Variants in PRKG1 observed in about 807,000 individuals in gnomAD.
The protein encoded by PRKG1 is cGMP-dependent protein kinase 1.
In PRKG1, 35 loss-of-function variants were observed where a neutral mutation model predicts 88.1. That is an observed-to-expected ratio of 0.40 (90% CI 0.30 to 0.53). The LOEUF (loss-of-function observed/expected upper bound fraction) is 0.53, where lower values mean the gene tolerates loss of function less well. Among genes scored for constraint, PRKG1 ranks in the 20% least tolerant of loss-of-function variants. The probability of loss-of-function intolerance (pLI) is 0.59; values close to 1 mark genes in which losing one functional copy is unlikely to be tolerated. For missense variants in PRKG1, 540 were observed against 839.8 expected, an observed-to-expected ratio of 0.64 and a Z score of 4.41; for synonymous variants, 303 against 292.5, an observed-to-expected ratio of 1.04 and a Z score of -0.37.
intron 1 of PRKG1, among the ~76,000 whole-genome samples, chr10:51,024,780 G>A (rs1287724493): frequency 1.3e-5 from 2 of 152,054 alleles, no homozygotes; most frequent in East Asian, 3.9e-4. Context: ...GGGTAGGTAC[G>A]ACACACTTTT....
intron 7 of PRKG1, among the ~76,000 whole-genome samples, chr10:52,131,805 C>T (rs145492478): frequency 0.012 from 1,035 of 83,896 alleles, 18 homozygotes; most frequent in African/African-American, 0.042. Flanking sequence ...GCAACAAGAG[C>T]GAAACTCCAT....
intron 3 of PRKG1, among the ~76,000 whole-genome samples, chr10:51,695,154 A>G (rs1841255125): frequency 6.6e-6 from 1 of 152,156 alleles, no homozygotes; most frequent in South Asian, 2.1e-4. Context: ...GGACGTAAAA[A>G]GTGCACTGCA....
At chr10:52,140,311 A>G (rs1837541174) in intron 8 of PRKG1, among the ~76,000 whole-genome samples, 1 of 152,176 alleles carries the variant, frequency 6.6e-6, no homozygotes, top group Non-Finnish European at 1.5e-5. Flanking sequence ...GAAGCGTCTG[A>G]TCAGCACTGC....
Position 51,818,873 on chromosome 10 carries a change from G to A in PRKG1, c.698+14183G>A, listed in dbSNP as rs1285386866. ...ATACAAAAAATTAGCCGGGCGTAGT[G>A]GTGGGCGCCTGTAGTCCCAGCTACT... On this transcript the variant is annotated intron_variant, in intron 4 of 17. Transcript: ENST00000373980. Among the ~76,000 whole-genome samples the A allele has an allele frequency of 4.6e-5, 6 of 130,400 alleles. 1 individual carries two copies. Among genetic ancestry groups the A allele is most frequent in the Non-Finnish European group, 9.2e-5 (6 of 65,188 alleles). The allele number at this position is 130,400 out of a possible 152,430, so 85.5% of individuals were successfully genotyped here.
intron 1 of PRKG1, among the ~76,000 whole-genome samples, chr10:51,103,758 G>A (rs1160590437): frequency 6.6e-6 from 1 of 152,162 alleles, no homozygotes; most frequent in African/African-American, 2.4e-5. Context: ...ATCTTTGGGA[G>A]TGACTTCATG....
intron 3 of PRKG1, among the ~76,000 whole-genome samples, chr10:51,710,271 T>C (rs1236494410): frequency 6.6e-6 from 1 of 152,176 alleles, no homozygotes; most frequent in African/African-American, 2.4e-5. Context: ...CAAATGCATT[T>C]TTTGATTTGT....
At chr10:51,444,355 A>T (rs1278991105) in intron 2 of PRKG1, among the ~76,000 whole-genome samples, 2 of 151,830 alleles carry the variant, frequency 1.3e-5, no homozygotes, top group Admixed American at 1.3e-4. Context: ...AATGATAGCC[A>T]CGGCCTAAGG....
At chr10:52,142,824 C>T (rs923023339) in intron 8 of PRKG1, among the ~76,000 whole-genome samples, 1 of 152,118 alleles carries the variant, frequency 6.6e-6, no homozygotes, top group African/African-American at 2.4e-5. Context: ...CTTGCCATAC[C>T]ATACATTTAC....
At chr10:52,102,253 A>G (rs1847311333) in intron 7 of PRKG1, among the ~76,000 whole-genome samples, 1 of 152,104 alleles carries the variant, frequency 6.6e-6, no homozygotes, top group Non-Finnish European at 1.5e-5. Flanking sequence ...TTCAACATTA[A>G]AGGCTTTCAT....
intron 4 of PRKG1, among the ~76,000 whole-genome samples, chr10:51,893,966 A>T (rs1841782383): frequency 1.3e-5 from 2 of 152,192 alleles, no homozygotes; most frequent in African/African-American, 2.4e-5. Context: ...TGGTTACAAT[A>T]CAAGTGTAAG....
chr10:51,338,439 AG>A (rs1564452718), intron 2 of PRKG1, among the ~76,000 whole-genome samples: 1 of 152,190 alleles, frequency 6.6e-6, no homozygotes, highest in Non-Finnish European at 1.5e-5. Context: ...AAGAAAAATA[AG>A]GGTTTCTAGG....
intron 4 of PRKG1, among the ~76,000 whole-genome samples, chr10:51,865,250 T>C (rs994595631): frequency 6.6e-6 from 1 of 152,128 alleles, no homozygotes; most frequent in African/African-American, 2.4e-5. Context: ...ATTAGTTCAA[T>C]TACATAAATG....
intron 2 of PRKG1, among the ~76,000 whole-genome samples, chr10:51,315,715 CT>C (rs1723365293): frequency 1.3e-5 from 2 of 152,004 alleles, no homozygotes; most frequent in African/African-American, 4.8e-5. Context: ...TTCTACTGTC[CT>C]AGAGGTTTTG....
intron 7 of PRKG1, among the ~76,000 whole-genome samples, chr10:52,100,061 G>A (rs1226412595): frequency 6.6e-6 from 1 of 152,074 alleles, no homozygotes; most frequent in African/African-American, 2.4e-5. Context: ...AAATGTCAGT[G>A]GCACTTTCAG....
At chr10:51,918,126 G>A (rs191567369) in intron 5 of PRKG1, among the ~76,000 whole-genome samples, 1 of 152,232 alleles carries the variant, frequency 6.6e-6, no homozygotes, top group East Asian at 1.9e-4. Flanking sequence ...CAATGTGCAG[G>A]TGGGAAGACT....
chr10:51,817,471 A>G (rs906250415), intron 4 of PRKG1, among the ~76,000 whole-genome samples: 4 of 150,292 alleles, frequency 2.7e-5, no homozygotes, highest in African/African-American at 9.8e-5. Flanking sequence ...TTCCTATGTT[A>G]GTTTGCTGAG....
At chr10:51,386,594 G>A (rs1233476347) in intron 2 of PRKG1, among the ~76,000 whole-genome samples, 3 of 152,138 alleles carry the variant, frequency 2.0e-5, no homozygotes, top group South Asian at 2.1e-4. Context: ...GTGCCGTTCA[G>A]GTATTTAATT....
At chr10:51,147,300 C>A (rs1041180384) in intron 1 of PRKG1, among the ~76,000 whole-genome samples, 7 of 151,890 alleles carry the variant, frequency 4.6e-5, no homozygotes, top group African/African-American at 1.7e-4. Context: ...ATTTCCAACA[C>A]AAAGAAATAA....
chr10:52,138,692 A>C (rs992080708), intron 8 of PRKG1, among the ~76,000 whole-genome samples: 1 of 152,140 alleles, frequency 6.6e-6, no homozygotes, highest in Admixed American at 6.6e-5. Flanking sequence ...ACTAGCCCAG[A>C]GTAAATGCAG....
Sources: allele counts gnomAD v4.1 joint callset (sites outside exome capture counted in the v4.1 genomes callset), GRCh38; gene constraint gnomAD v4.1.1; transcripts MANE v1.5; gene names NCBI Gene and HGNC (gene_info 2026-07-23, HGNC 2026-07-21).